TTN: variants seen among roughly 807,000 people sequenced by gnomAD.
TTN encodes titin.
A neutral mutation model predicts 3,223.0 loss-of-function variants in TTN; 1,525 were observed. The ratio of observed to expected loss-of-function variants is 0.47; its 90% CI spans 0.45 to 0.49. The LOEUF (loss-of-function observed/expected upper bound fraction) is 0.49, where lower values mean the gene tolerates loss of function less well. Among genes scored for constraint, TTN ranks in the 20% least tolerant of loss-of-function variants. TTN has a pLI of 0.00. For missense variants in TTN, 40,786 were observed against 43,424.0 expected (o/e 0.94, Z 5.40); for synonymous variants, 14,094 against 15,161.0 (o/e 0.93, Z 5.17).
intron 43 of TTN, among the ~76,000 whole-genome samples, chr2:178,762,563 G>T (rs1428832523): frequency 1.3e-5 from 2 of 152,236 alleles, no homozygotes; most frequent in Non-Finnish European, 2.9e-5. Context: ...TACTTTGAAT[G>T]ATGTACATAT....
intron 47 of TTN, chr2:178,748,380 G>A: frequency 6.2e-7 from 1 of 1,613,146 alleles, no homozygotes; most frequent in African/African-American, 1.3e-5. Context: ...GAAATTTCTT[G>A]ACTGGCAAAT....
In TTN at chr2:178,617,870, C is replaced by G. The variant is rs752514306; in HGVS notation, c.47481G>C (p.Gln15827His). 6.2e-7 allele frequency: 1 copy of G among 1,612,668 alleles called. No homozygotes were observed. Among genetic ancestry groups the G allele is most frequent in the African/African-American group, 1.3e-5 (1 of 74,926 alleles). Residue 15827 changes from glutamine (Q) to histidine (H), a missense_variant, in exon 253 of 363, where the codon CAG (glutamine) becomes CAC (histidine). Physicochemically the swap from Gln to His is conservative, Grantham distance 24. Coordinates refer to ENST00000589042, the MANE Select transcript of TTN (RefSeq NM_001267550.2). ...SATVTDVVEG[Q>H]EYSFRVRAQN... ...GGGCTCTCACTCGGAAACTGTACTC[C>G]TGTCCTTCTACCACATCAGTAACAG...
chr2:178,733,975 T>TAAA, intron 52 of TTN, 83 bp from the exon 53 acceptor site: 1 of 1,332,754 alleles, frequency 7.5e-7, no homozygotes, highest in Non-Finnish European at 1.0e-6. Context: ...TTTTTCAAGA[T>TAAA]TATATTTATC....
rs533662618 is a variant in TTN, at chr2:178,638,199, T to C, written c.40877-780A>G. Among the ~76,000 whole-genome samples, 3 of 151,960 alleles carry C rather than the reference T, an allele frequency of 2.0e-5. No homozygotes were observed. The South Asian group carries it at 6.2e-4, about 32-fold the overall frequency. The stretch of plus-strand genomic sequence containing the variant: ...AATCATAAACATCAGCAACAAAATA[T>C]AACACAAATATTAAAAATTAAACTA... On this transcript the variant is annotated intron_variant, in intron 223 of 362. Coordinates refer to ENST00000589042, the MANE Select transcript of TTN (RefSeq NM_001267550.2).
rs966964393 is a variant in TTN at position 178,544,212 on chromosome 2, A to G, written c.96017T>C (p.Val32006Ala). ...YSESIAEIEP[V>A]ERIEIPDLEL... ...TCTGTGATAAATACCTATTCTTTCC[A>G]CGGGCTCAATTTCAGCAATTGATTC... is the stretch of plus-strand genomic sequence containing the variant. Residue 32006 changes from valine to alanine, a missense_variant, in exon 345 of 363, where the codon GTG (valine) becomes GCG (alanine). Coordinates refer to ENST00000589042, the MANE Select transcript of TTN (RefSeq NM_001267550.2). 1.2e-5 allele frequency: 20 copies of G among 1,612,760 alleles called. No homozygotes were observed. Among genetic ancestry groups the G allele is most frequent in the Non-Finnish European group, 1.7e-5 (20 of 1,178,854 alleles).
chr2:178,589,654 T>TCCG lies in TTN; in HGVS notation c.62068_62070dup (p.Arg20691dup). On this transcript the variant is annotated inframe_insertion, in exon 304 of 363. Transcript: ENST00000589042. ...GGACTGCCACCATCATAGTCAGGCC[T>TCCG]CCGCCACTTTAGATAGACAAATGTC... 5.0e-6 allele frequency: 8 copies of TCCG among 1,613,482 alleles called. No homozygotes were observed. The highest frequency in any genetic ancestry group is 6.8e-6 in the Non-Finnish European group (8 of 1,179,594).
Position 178,654,214 on chromosome 2 carries a change from C to T in TTN, c.38374G>A (p.Ala12792Thr), listed in dbSNP as rs1000799782. ...AVPKKPEAPR[A>T]KVPEAAQEVV... ...GAGGAGAGGGAATAAATACCTTTTG[C>T]ACGTGGGGCTTCCGGTTTTTTGGGC... The change falls in exon 193 of 363, where the codon GCA becomes ACA. Residue 12792 changes from alanine (A) to threonine (T), a missense_variant. Physicochemically the swap from Ala to Thr is moderately conservative, Grantham distance 58. Transcript: ENST00000589042. 3.1e-6 allele frequency: 5 copies of T among 1,596,142 alleles called. 1 individual carries two copies. The South Asian group carries it at 4.5e-5, about 14-fold the overall frequency.
rs1215759243 is a variant in TTN at position 178,593,059 on chromosome 2, G to A, written c.59060C>T (p.Pro19687Leu). 4 of 1,612,922 alleles carry A rather than the reference G, an allele frequency of 2.5e-6. No homozygotes were observed. The African/African-American group carries it at 5.3e-5, about 22-fold the overall frequency. Residue 19687 changes from proline (P) to leucine (L), a missense_variant, in exon 300 of 363, where the codon CCT becomes CTT. Physicochemically the swap from Pro to Leu is moderately conservative, Grantham distance 98. Coordinates refer to ENST00000589042, the MANE Select transcript of TTN (RefSeq NM_001267550.2). The part of the protein sequence containing the change: ...PIAKPSPPVN[P>L]EAIDTTCNSV... Reference sequence around the variant, plus strand: ...ATTGCATGTTGTATCTATTGCTTCAGGATTAACAGGTGGACTTGGTTTAGC... The same window carrying A: ...ATTGCATGTTGTATCTATTGCTTCAAGATTAACAGGTGGACTTGGTTTAGC...
At position 178,729,483 on chromosome 2, in the gene TTN, T is replaced by A; in HGVS notation, c.18673A>T (p.Thr6225Ser). The change falls in exon 64 of 363, where the codon ACA (threonine) becomes TCA (serine). Residue 6225 changes from threonine (T) to serine (S), a missense_variant. Physicochemically the swap from Thr to Ser is moderately conservative, Grantham distance 58. Coordinates refer to ENST00000589042, the MANE Select transcript of TTN (RefSeq NM_001267550.2). ...DVELECEVTG[T>S]PPFEVTWLKN... ...AGCCAAGTGACTTCAAACGGAGGTGTTCCCGTAACTTCACACTCCAGCTCC... is the reference window on the plus strand; with the variant it reads ...AGCCAAGTGACTTCAAACGGAGGTGATCCCGTAACTTCACACTCCAGCTCC... The A allele has an allele frequency of 6.2e-7, 1 of 1,613,608 alleles. No homozygotes were observed. The highest frequency in any genetic ancestry group is 8.5e-7 in the Non-Finnish European group (1 of 1,179,646).
At chr2:178,730,839 A>C (rs2080334312) in intron 60 of TTN, 47 bp from the exon 61 acceptor site, 1 of 1,533,498 alleles carries the variant, frequency 6.5e-7, no homozygotes, top group South Asian at 1.3e-5. Flanking sequence ...TCAATCTACT[A>C]ATTTGTTTTT....
Position 178,526,405 on chromosome 2 carries a change from C to T in TTN, c.*607G>A, listed in dbSNP as rs541192603. ...TAAAATGAGCGAACAAAGTGTTGGCCGTTACACTTTGCTCTGGTAATATTT... is the reference window on the plus strand; with the variant it reads ...TAAAATGAGCGAACAAAGTGTTGGCTGTTACACTTTGCTCTGGTAATATTT... On this transcript the variant is annotated 3_prime_UTR_variant, in exon 363 of 363. Coordinates refer to ENST00000589042, the MANE Select transcript of TTN (RefSeq NM_001267550.2). 19 of 152,704 alleles carry T rather than the reference C, an allele frequency of 1.2e-4. No individual in the cohort carries two copies. Among genetic ancestry groups the T allele is most frequent in the African/African-American group, 4.1e-4 (17 of 41,546 alleles). 9.5% of individuals were successfully genotyped at this position (152,704 alleles called of 1,614,324 possible). A position where few individuals can be genotyped will look rare whatever the true frequency, so the allele number is the denominator to read the frequency against.
intron 308 of TTN, among the ~76,000 whole-genome samples, chr2:178,585,692 G>A (rs994226806): frequency 1.3e-5 from 2 of 152,024 alleles, no homozygotes; most frequent in Admixed American, 1.3e-4. Context: ...AACATGTGGT[G>A]TTTGGTTTTC....
At position 178,561,485 on chromosome 2, in the gene TTN, A is replaced by G; in HGVS notation, c.84647T>C (p.Val28216Ala). ...CATCAGTCCTTCATCAAGGCCGGAG[A>G]CTTTCATTTGAGTATCAGCAATGAG... ...KILIADTQMK[V>A]SGLDEGLMYE... Residue 28216 changes from valine to alanine, a missense_variant, in exon 326 of 363, where the codon GTC (valine) becomes GCC (alanine). Transcript: ENST00000589042. 6.2e-7 allele frequency: 1 copy of G among 1,613,754 alleles called. No homozygotes were observed. The highest frequency in any genetic ancestry group is 8.5e-7 in the Non-Finnish European group (1 of 1,179,754).
intron 33 of TTN, among the ~76,000 whole-genome samples, chr2:178,771,881 C>G (rs186603730): frequency 3.0e-4 from 45 of 152,196 alleles, no homozygotes; most frequent in African/African-American, 1.1e-3. Flanking sequence ...ATCAATGTTT[C>G]TACTACATTG....
In TTN at chr2:178,706,579, A is replaced by G. The variant is rs1230888028; in HGVS notation, c.29295T>C (p.Asp9765=). Residue 9765 remains aspartate, a synonymous_variant, in exon 102 of 363, where the codon GAT becomes GAC. Coordinates refer to ENST00000589042, the MANE Select transcript of TTN (RefSeq NM_001267550.2). ...ATGCCACGCATCGGTATAACCCAGAATCAGTTTTTGTGGTGTCCCTAATCT... is the reference window on the plus strand; with the variant it reads ...ATGCCACGCATCGGTATAACCCAGAGTCAGTTTTTGTGGTGTCCCTAATCT... ...KLEIRDTTKT[D]SGLYRCVAFN... 1.9e-6 allele frequency: 3 copies of G among 1,613,940 alleles called. No individual in the cohort carries two copies. The East Asian group carries it at 6.7e-5, about 36-fold the overall frequency.
At position 178,620,322 on chromosome 2, in the gene TTN, T is replaced by A; in HGVS notation, c.46199A>T (p.Gln15400Leu). 2.5e-6 allele frequency: 4 copies of A among 1,589,726 alleles called. No individual in the cohort carries two copies. The highest frequency in any genetic ancestry group is 3.4e-6 in the Non-Finnish European group (4 of 1,166,760). Residue 15400 changes from glutamine (Q) to leucine (L), a missense_variant, in exon 248 of 363, where the codon CAG (glutamine) becomes CTG (leucine). By Grantham distance (113) the Gln-to-Leu change is moderately radical. Transcript: ENST00000589042. ...AGCGTCATCGAACTCAGTGACTGTC[T>A]GATCTTCCAAGTGTTCCACAAATTC... ...PTEFVEHLED[Q>L]TVTEFDDAVF...
chr2:178,673,321 C>T (rs115575404), intron 152 of TTN, among the ~76,000 whole-genome samples: 4,219 of 151,764 alleles, frequency 0.028, 120 homozygotes, highest in African/African-American at 0.069. Context: ...CTCCGTTCCA[C>T]TTATGGAATA....
intron 359 of TTN, 39 bp from the exon 360 acceptor site, chr2:178,529,258 AG>A (rs1432794329): frequency 7.3e-7 from 1 of 1,366,862 alleles, no homozygotes; most frequent in Non-Finnish European, 9.6e-7. Context: ...TTAATTAGAA[AG>A]AGACCCCCAC....
intron 2 of TTN, among the ~76,000 whole-genome samples, chr2:178,803,181 G>C (rs1313736630): frequency 6.6e-6 from 1 of 152,164 alleles, no homozygotes; most frequent in East Asian, 1.9e-4. Context: ...AGTCTATTTT[G>C]TTGTTTATAC....
Sources: gnomAD v4.1 joint callset for allele counts (sites outside exome capture counted in the v4.1 genomes callset) on GRCh38, gnomAD v4.1.1 for gene constraint, MANE v1.5 for transcripts, NCBI Gene and HGNC (gene_info 2026-07-23, HGNC 2026-07-21) for gene names.